Variants in FARP1 observed in about 807,000 individuals in gnomAD.
FARP1 encodes the protein FERM, ARHGEF and pleckstrin domain-containing protein 1.
In FARP1, 52 loss-of-function variants were observed where a neutral mutation model predicts 128.8. The observed-to-expected ratio is 0.40, with a 90% confidence interval of 0.32 to 0.51. FARP1 has a LOEUF of 0.51. FARP1 is among the 20% of genes least tolerant of loss of function. The probability of loss-of-function intolerance (pLI) is 0.45; values close to 1 mark genes in which losing one functional copy is unlikely to be tolerated. For synonymous variants in FARP1, 580 were observed against 551.8 expected, an observed-to-expected ratio of 1.05 and a Z score of -0.72; for missense variants, 1,333 against 1,367.9, an observed-to-expected ratio of 0.97 and a Z score of 0.40.
intron 6 of FARP1, chr13:98,381,707 G>A (rs1482074778): frequency 6.6e-6 from 1 of 152,170 alleles, no homozygotes; most frequent in South Asian, 2.1e-4. Flanking sequence ...GTTTGTCCAC[G>A]CCTGTCCTCT....
chr13:98,273,188 A>G (rs528790062), intron 2 of FARP1, among the ~76,000 whole-genome samples: 4 of 152,306 alleles, frequency 2.6e-5, no homozygotes, highest in South Asian at 2.1e-4. Flanking sequence ...AGATTCTTCA[A>G]TGTGTCATTG....
At chr13:98,326,168 T>A (rs1887225221) in intron 2 of FARP1, among the ~76,000 whole-genome samples, 1 of 152,248 alleles carries the variant, frequency 6.6e-6, no homozygotes, top group Non-Finnish European at 1.5e-5. Flanking sequence ...GTTGCCTGTC[T>A]ATAGTGTTTT....
At chr13:98,183,981 A>G (rs1878697738) in intron 1 of FARP1, among the ~76,000 whole-genome samples, 1 of 152,090 alleles carries the variant, frequency 6.6e-6, no homozygotes, top group Admixed American at 6.5e-5. Context: ...TTGTTAATCC[A>G]GGCCAGGTCA....
intron 1 of FARP1, among the ~76,000 whole-genome samples, chr13:98,197,189 A>G (rs1206022232): frequency 6.6e-6 from 1 of 152,206 alleles, no homozygotes; most frequent in Non-Finnish European, 1.5e-5. Context: ...GATGTTGGCC[A>G]GGCGTGGTGG....
chr13:98,257,241 C>T (rs1162757887), intron 2 of FARP1, among the ~76,000 whole-genome samples: 1 of 151,958 alleles, frequency 6.6e-6, no homozygotes, highest in Non-Finnish European at 1.5e-5. Context: ...CTAGTCTTGG[C>T]AGTGTCAATA....
At chr13:98,333,018 A>G (rs556659507) in intron 2 of FARP1, 4 of 152,338 alleles carry the variant, frequency 2.6e-5, no homozygotes, top group African/African-American at 9.6e-5. Flanking sequence ...ATTCAGGTTC[A>G]GTGGGCTGAA....
chr13:98,228,697 T>C (rs1326152784), intron 2 of FARP1, among the ~76,000 whole-genome samples: 1 of 152,100 alleles, frequency 6.6e-6, no homozygotes, highest in East Asian at 1.9e-4. Flanking sequence ...AAAAAGTTAA[T>C]GGAACTTTTT....
At chr13:98,239,698 G>A (rs987896913) in intron 2 of FARP1, among the ~76,000 whole-genome samples, 4 of 152,054 alleles carry the variant, frequency 2.6e-5, no homozygotes, top group Admixed American at 6.6e-5. Context: ...TTCTGGCTGG[G>A]CCACTGAGTG....
intron 2 of FARP1, chr13:98,333,480 A>ACACACAC (rs1555338445): frequency 9.2e-5 from 10 of 108,334 alleles, no homozygotes; most frequent in Non-Finnish European, 2.1e-5. Flanking sequence ...CACACACACA[A>ACACACAC]AATCTATCTT....
At chr13:98,390,310 C>G (rs1363580942) in intron 10 of FARP1, among the ~76,000 whole-genome samples, 190 bp downstream of exon 10, 1 of 152,212 alleles carries the variant, frequency 6.6e-6, no homozygotes, top group Non-Finnish European at 1.5e-5. Context: ...CAGGCAAAGC[C>G]ACCCAGTCAT....
At chr13:98,403,844 C>T (rs541468238) in intron 13 of FARP1, 2 of 152,334 alleles carry the variant, frequency 1.3e-5, no homozygotes, top group East Asian at 3.9e-4. Context: ...TTGATCTAAA[C>T]TGAAGGGGCT....
chr13:98,246,988 G>A (rs937803661), intron 2 of FARP1, among the ~76,000 whole-genome samples: 11 of 152,228 alleles, frequency 7.2e-5, no homozygotes, highest in African/African-American at 2.7e-4. Flanking sequence ...CACTTTGGGA[G>A]GCCAAGGTGG....
At chr13:98,144,014 C>T (rs1415853303) in intron 1 of FARP1, among the ~76,000 whole-genome samples, 1 of 152,194 alleles carries the variant, frequency 6.6e-6, no homozygotes, top group Admixed American at 6.5e-5. Flanking sequence ...ACACCCTCTG[C>T]CCAAGTTAGA....
rs563058179 is a variant in FARP1 at position 98,450,296 on chromosome 13, A to G, written c.*1979A>G. On this transcript the variant is annotated 3_prime_UTR_variant, in exon 27 of 27. Coordinates refer to ENST00000319562, the MANE Select transcript of FARP1 (RefSeq NM_005766.4). ...CACTCTGCCTTTGCTGACACATTTT[A>G]TAGCAGAAATACACAAGCTGTTTTT... 6 of 152,350 alleles carry G rather than the reference A, an allele frequency of 3.9e-5. No individual in the cohort carries two copies. The highest frequency in any genetic ancestry group is 2.6e-4 in the Admixed American group (4 of 15,312). 9.4% of individuals were successfully genotyped at this position (152,350 alleles called of 1,614,324 possible).
intron 1 of FARP1, among the ~76,000 whole-genome samples, chr13:98,165,403 T>C (rs1431003027): frequency 6.6e-6 from 1 of 152,014 alleles, no homozygotes; most frequent in Non-Finnish European, 1.5e-5. Context: ...TTGTAACTAT[T>C]GAAGATATTG....
chr13:98,171,198 A>C (rs1877627460), intron 1 of FARP1, among the ~76,000 whole-genome samples: 1 of 152,148 alleles, frequency 6.6e-6, no homozygotes. Context: ...CCTGAATTAC[A>C]CACACCCTCT....
At chr13:98,245,164 T>C in intron 2 of FARP1, 1 of 992,142 alleles carries the variant, frequency 1.0e-6, no homozygotes, top group Non-Finnish European at 1.2e-6. Flanking sequence ...AAGGGTTTAG[T>C]TTTTAAAAGG....
At chr13:98,286,933 C>A (rs1341286991) in intron 2 of FARP1, among the ~76,000 whole-genome samples, 1 of 152,148 alleles carries the variant, frequency 6.6e-6, no homozygotes, top group Non-Finnish European at 1.5e-5. Context: ...GATATCACAT[C>A]ATTTTGTTAC....
intron 2 of FARP1, among the ~76,000 whole-genome samples, chr13:98,256,252 G>A (rs4771300): frequency 0.74 from 112,892 of 152,196 alleles, 44,413 homozygotes; most frequent in East Asian, 0.89. Context: ...ACGTTGTGCT[G>A]TATTTTAGGT....
Sources: gnomAD v4.1 joint callset for allele counts (sites outside exome capture counted in the v4.1 genomes callset) on GRCh38, gnomAD v4.1.1 for gene constraint, MANE v1.5 for transcripts, NCBI Gene and HGNC (gene_info 2026-07-23, HGNC 2026-07-21) for gene names.